The following CD59 variants were observed in gnomAD, a reference collection of about 807,000 sequenced individuals.
The protein encoded by CD59 is CD59 glycoprotein.
CD59 carries 3 observed loss-of-function variants against 7.0 expected under a neutral mutation model. The ratio of observed to expected loss-of-function variants is 0.43; its 90% confidence interval spans 0.19 to 1.10. The LOEUF (loss-of-function observed/expected upper bound fraction) is 1.10, where lower values mean the gene tolerates loss of function less well. Ranked by LOEUF, CD59 falls within the 50% of genes least tolerant of loss-of-function variation. The probability of loss-of-function intolerance (pLI) is 0.29; values close to 1 mark genes in which losing one functional copy is unlikely to be tolerated. For missense variants in CD59, 143 were observed against 151.0 expected (o/e 0.95, Z 0.28); for synonymous variants, 60 against 62.0 (o/e 0.97, Z 0.15).
chr11:33,720,977 G>C (rs1044053561), intron 2 of CD59, among the ~76,000 whole-genome samples: 2 of 152,200 alleles, frequency 1.3e-5, no homozygotes, highest in African/African-American at 4.8e-5. Flanking sequence ...ACTTGTCACA[G>C]AGAAGCTGAT....
At chr11:33,720,752 A>G (rs1014884588) in intron 2 of CD59, among the ~76,000 whole-genome samples, 1 of 151,978 alleles carries the variant, frequency 6.6e-6, no homozygotes, top group East Asian at 1.9e-4. Flanking sequence ...AACAAAAAAA[A>G]ACAAGCAATA....
chr11:33,721,422 A>T (rs1023183567), intron 2 of CD59, among the ~76,000 whole-genome samples: 10 of 152,260 alleles, frequency 6.6e-5, no homozygotes, highest in Non-Finnish European at 1.3e-4. Context: ...GTTGCTGTTA[A>T]TATTCTAAGA....
intron 3 of CD59, among the ~76,000 whole-genome samples, chr11:33,716,555 T>G (rs1853800673): frequency 6.6e-6 from 1 of 152,226 alleles, no homozygotes; most frequent in Non-Finnish European, 1.5e-5. Context: ...CACACATCGA[T>G]TCTATCCAGA....
At chr11:33,727,213 C>CACA (rs1043851061) in intron 1 of CD59, among the ~76,000 whole-genome samples, 3 of 152,110 alleles carry the variant, frequency 2.0e-5, no homozygotes, top group African/African-American at 7.2e-5. Flanking sequence ...CTGGCAGAGA[C>CACA]ACAACAACAA....
intron 2 of CD59, among the ~76,000 whole-genome samples, chr11:33,721,301 C>T (rs1854049205): frequency 6.6e-6 from 1 of 152,100 alleles, no homozygotes; most frequent in African/African-American, 2.4e-5. Context: ...CCTTCATTTC[C>T]TCAGCTGTAA....
At chr11:33,718,686 C>T (rs1218406372) in intron 2 of CD59, 3 of 152,208 alleles carry the variant, frequency 2.0e-5, no homozygotes, top group Admixed American at 1.3e-4. Flanking sequence ...TGAGGGTCAT[C>T]TTACATCAGA....
At chr11:33,724,657 T>C (rs1213557666) in intron 1 of CD59, among the ~76,000 whole-genome samples, 1 of 151,936 alleles carries the variant, frequency 6.6e-6, no homozygotes, top group African/African-American at 2.4e-5. Context: ...GAGGGTGATG[T>C]GAGGTGAGGA....
At chr11:33,712,528 C>G (rs571253548) in intron 3 of CD59, among the ~76,000 whole-genome samples, 3 of 152,300 alleles carry the variant, frequency 2.0e-5, no homozygotes, top group South Asian at 2.1e-4. Context: ...AAAAGCTAGT[C>G]GCAAAGTGCC....
intron 1 of CD59, 144 bp from the exon 2 acceptor site, chr11:33,722,607 C>A: frequency 1.3e-6 from 2 of 1,512,560 alleles, no homozygotes. Flanking sequence ...CTGGGCCATG[C>A]CCCAGCTCTG....
chr11:33,710,475 G>T (rs1014224443), intron 3 of CD59, 132 bp from the exon 4 acceptor site: 2 of 741,116 alleles, frequency 2.7e-6, no homozygotes, highest in Admixed American at 4.1e-5. Flanking sequence ...ATCCCAGGTG[G>T]GTTGTAAAGG....
rs1329578779 is a variant in CD59 at position 33,711,479 on chromosome 11, C to G, written c.170-1136G>C. 1.2e-5 allele frequency: 8 copies of G among 692,212 alleles called. No individual in the cohort carries two copies. In the Admixed American group the frequency reaches 1.7e-4, roughly 14 times the overall value. 42.9% of individuals were successfully genotyped at this position (692,212 alleles called of 1,614,324 possible). ...AAGTGAGAGGATTGCCTGCGGCCAG[C>G]CTGGGCAACATAGTGATATCCCAAC... is the stretch of plus-strand genomic sequence containing the variant. On this transcript the variant is annotated intron_variant, in intron 3 of 3. Coordinates refer to ENST00000642928, the MANE Select transcript of CD59 (RefSeq NM_000611.6).
At chr11:33,715,670 C>CAA (rs373301830) in intron 3 of CD59, among the ~76,000 whole-genome samples, 200 of 152,090 alleles carry the variant, frequency 1.3e-3, no homozygotes, top group African/African-American at 3.6e-3. Flanking sequence ...CTGGAGTTGT[C>CAA]AGAGTTTTGG....
chr11:33,726,976 A>G (rs956607881), intron 1 of CD59, among the ~76,000 whole-genome samples: 2 of 152,240 alleles, frequency 1.3e-5, no homozygotes, highest in Non-Finnish European at 2.9e-5. Context: ...TAAACCAGGA[A>G]GAAGTCGAAT....
chr11:33,727,612 C>G (rs945540023), intron 1 of CD59, among the ~76,000 whole-genome samples: 29 of 152,204 alleles, frequency 1.9e-4, no homozygotes, highest in South Asian at 2.1e-4. Flanking sequence ...AAAACTGGCA[C>G]AAGACAAGGA....
rs1018389713 is a variant in CD59 at position 33,706,999 on chromosome 11, G to A, written c.*3127C>T. 1 of 152,226 alleles carries A rather than the reference G, an allele frequency of 6.6e-6. No homozygotes were observed. Among genetic ancestry groups the A allele is most frequent in the Non-Finnish European group, 1.5e-5 (1 of 68,044 alleles). The allele number at this position is 152,226 out of a possible 1,614,324, so 9.4% of individuals were successfully genotyped here. On this transcript the variant is annotated 3_prime_UTR_variant, in exon 4 of 4. Coordinates refer to ENST00000642928, the MANE Select transcript of CD59 (RefSeq NM_000611.6). ...TGCCAACTTACCTAAGTGACCTTGA[G>A]CGATCCAGCTAACTTTGCATAGTTT...
At chr11:33,718,739 C>T (rs1170089583) in intron 2 of CD59, 3 of 152,192 alleles carry the variant, frequency 2.0e-5, no homozygotes, top group African/African-American at 7.2e-5. Context: ...ACAATTATTG[C>T]TCCCAGTCAA....
In CD59 at chr11:33,703,443, CTA is replaced by C. The variant is rs1853176879; in HGVS notation, c.*6681_*6682del. 6.6e-6 allele frequency: 1 copy of C among 152,234 alleles called. No individual in the cohort carries two copies. The highest frequency in any genetic ancestry group is 1.5e-5 in the Non-Finnish European group (1 of 68,054). 9.4% of individuals were successfully genotyped at this position (152,234 alleles called of 1,614,324 possible). On this transcript the variant is annotated 3_prime_UTR_variant, in exon 4 of 4. Transcript: ENST00000642928. Reference sequence around the variant, plus strand: ...CTTTCCCTCCCTGGGCTCCAAAGCACTATGTCACCTACCTCTCCACTCAAATG... The same window carrying C: ...CTTTCCCTCCCTGGGCTCCAAAGCACTGTCACCTACCTCTCCACTCAAATG...
intron 1 of CD59, among the ~76,000 whole-genome samples, chr11:33,723,235 A>G (rs958842148): frequency 2.2e-4 from 34 of 152,176 alleles, no homozygotes; most frequent in Non-Finnish European, 1.8e-4. Flanking sequence ...GTGCCTGTAA[A>G]CCAGGGTACT....
chr11:33,726,477 A>C (rs1234128006), intron 1 of CD59, among the ~76,000 whole-genome samples: 1 of 152,236 alleles, frequency 6.6e-6, no homozygotes, highest in Non-Finnish European at 1.5e-5. Flanking sequence ...CTTTGAAACC[A>C]ATGAGAACAA....
Sources: gnomAD v4.1 joint callset for allele counts (sites outside exome capture counted in the v4.1 genomes callset) on GRCh38, gnomAD v4.1.1 for gene constraint, MANE v1.5 for transcripts, NCBI Gene and HGNC (gene_info 2026-07-23, HGNC 2026-07-21) for gene names.